The following NBEAL1 variants were observed in gnomAD, a reference collection of about 807,000 sequenced individuals.
The protein encoded by NBEAL1 is neurobeachin-like protein 1.
Under a neutral mutation model 351.3 loss-of-function variants are expected in NBEAL1, and 273 were observed. That is an observed-to-expected ratio of 0.78 (90% CI 0.70 to 0.86). The LOEUF is 0.86. NBEAL1 is among the 40% of genes least tolerant of loss of function. The pLI, the probability that NBEAL1 is intolerant of heterozygous loss-of-function variation, is 0.00. For missense variants in NBEAL1, 2,961 were observed against 3,201.3 expected (o/e 0.92, Z 1.81); for synonymous variants, 1,050 against 1,086.4 (o/e 0.97, Z 0.66).
At chr2:203,025,310 TTAA>T (rs1424672083) in intron 2 of NBEAL1, among the ~76,000 whole-genome samples, 1 of 152,186 alleles carries the variant, frequency 6.6e-6, no homozygotes, top group East Asian at 1.9e-4. Flanking sequence ...AATTTAAAAA[TTAA>T]TAAAAACAGG....
intron 19 of NBEAL1, among the ~76,000 whole-genome samples, chr2:203,124,965 A>G (rs2062905665): frequency 6.6e-6 from 1 of 152,198 alleles, no homozygotes; most frequent in African/African-American, 2.4e-5. Context: ...TCATATTTCT[A>G]CCACCAAATG....
intron 3 of NBEAL1, among the ~76,000 whole-genome samples, chr2:203,047,555 T>C (rs1574893182): frequency 1.3e-5 from 2 of 152,190 alleles, no homozygotes; most frequent in East Asian, 3.8e-4. Context: ...GGATATTTCC[T>C]ATCTCTCATT....
At chr2:203,164,426 G>A (rs1373789061) in intron 36 of NBEAL1, among the ~76,000 whole-genome samples, 1 of 151,734 alleles carries the variant, frequency 6.6e-6, no homozygotes, top group East Asian at 1.9e-4. Flanking sequence ...AGTTGGCTTT[G>A]TAATTGGGAT....
At chr2:203,055,618 CAGA>C (rs925050511) in intron 4 of NBEAL1, among the ~76,000 whole-genome samples, 4 of 151,688 alleles carry the variant, frequency 2.6e-5, no homozygotes, top group South Asian at 4.2e-4. Flanking sequence ...AAAAAAAAAC[CAGA>C]AGAAGTCTGT....
chr2:203,049,820 T>C lies in NBEAL1; in HGVS notation c.150T>C (p.Asp50=). The change falls in exon 4 of 56, where the codon GAT becomes GAC. Residue 50 remains aspartate, a synonymous_variant. Coordinates refer to ENST00000683969, the MANE Select transcript of NBEAL1 (RefSeq NM_001378026.1). The part of the protein sequence containing the change: ...VDFEKLPTRV[D]DMPPGISLLP... ...TTTTCCCTTTCTGTTGTAGGGTAGA[T>C]GATATGCCTCCAGGAATATCTCTGC... 2 of 1,550,862 alleles carry C rather than the reference T, an allele frequency of 1.3e-6. No homozygotes were observed. Among genetic ancestry groups the C allele is most frequent in the Non-Finnish European group, 1.7e-6 (2 of 1,145,858 alleles).
At chr2:203,028,395 A>G (rs1188660470) in intron 2 of NBEAL1, among the ~76,000 whole-genome samples, 1 of 152,052 alleles carries the variant, frequency 6.6e-6, no homozygotes, top group Non-Finnish European at 1.5e-5. Flanking sequence ...TTTTTAATTA[A>G]GATATATAAC....
chr2:203,167,600 C>T (rs9288335), intron 38 of NBEAL1, among the ~76,000 whole-genome samples: 133,867 of 152,198 alleles, frequency 0.88, 60,120 homozygotes, highest in Non-Finnish European at 0.96. Context: ...TAGTGCCTCA[C>T]TACATTCACT....
chr2:203,019,990 G>T (rs1238512028), intron 2 of NBEAL1, among the ~76,000 whole-genome samples: 2 of 152,014 alleles, frequency 1.3e-5, no homozygotes, highest in East Asian at 3.9e-4. Context: ...ATTTTTAATT[G>T]ATAATAATTT....
intron 30 of NBEAL1, 38 bp downstream of exon 30, chr2:203,138,353 T>C (rs986145399): frequency 6.4e-7 from 1 of 1,571,438 alleles, no homozygotes; most frequent in East Asian, 2.2e-5. Context: ...TTTTGGGTAG[T>C]TAAGAACTTT....
intron 7 of NBEAL1, among the ~76,000 whole-genome samples, chr2:203,071,262 G>T (rs2061677702): frequency 6.6e-6 from 1 of 152,142 alleles, no homozygotes; most frequent in Non-Finnish European, 1.5e-5. Context: ...GGAAAGTCCA[G>T]CAGGGTTTAT....
chr2:203,164,785 T>G, intron 36 of NBEAL1, among the ~76,000 whole-genome samples: 1 of 151,998 alleles, frequency 6.6e-6, no homozygotes. Context: ...ATATGAAATG[T>G]CTAGGACCAG....
intron 18 of NBEAL1, among the ~76,000 whole-genome samples, chr2:203,116,707 T>C (rs917405250): frequency 6.6e-6 from 1 of 150,848 alleles, no homozygotes; most frequent in East Asian, 2.0e-4. Context: ...GGAAGATCCC[T>C]TGAGCCCAGG....
chr2:203,205,941 G>A (rs2065541497), intron 51 of NBEAL1, among the ~76,000 whole-genome samples: 2 of 152,236 alleles, frequency 1.3e-5, no homozygotes, highest in Non-Finnish European at 2.9e-5. Flanking sequence ...ACATGGAACA[G>A]GTGGAAGGTG....
At chr2:203,121,038 T>G (rs2062818536) in intron 18 of NBEAL1, among the ~76,000 whole-genome samples, 1 of 152,166 alleles carries the variant, frequency 6.6e-6, no homozygotes, top group Non-Finnish European at 1.5e-5. Context: ...AAATTCGGAT[T>G]GAATATGAAG....
chr2:203,131,634 C>T (rs1442777207), intron 25 of NBEAL1, among the ~76,000 whole-genome samples: 1 of 152,130 alleles, frequency 6.6e-6, no homozygotes, highest in Non-Finnish European at 1.5e-5. Context: ...TCCCACTGCT[C>T]AAGGTCATCA....
intron 46 of NBEAL1, among the ~76,000 whole-genome samples, chr2:203,191,924 C>T (rs116386508): frequency 0.025 from 3,855 of 152,268 alleles, 67 homozygotes; most frequent in Non-Finnish European, 0.035. Flanking sequence ...TACCTCAGTA[C>T]ATTATAAATA....
At chr2:203,090,174 C>T (rs1292001044) in intron 10 of NBEAL1, among the ~76,000 whole-genome samples, 1 of 152,032 alleles carries the variant, frequency 6.6e-6, no homozygotes, top group Admixed American at 6.6e-5. Flanking sequence ...TATAAGTTCT[C>T]ATGTAAGAAA....
intron 18 of NBEAL1, among the ~76,000 whole-genome samples, chr2:203,116,319 G>A (rs186601126): frequency 6.6e-6 from 1 of 152,256 alleles, no homozygotes; most frequent in Admixed American, 6.5e-5. Flanking sequence ...GTTGGAATTT[G>A]TACCGATGAA....
chr2:203,204,408 G>A (rs2065496139), intron 51 of NBEAL1, among the ~76,000 whole-genome samples: 2 of 145,516 alleles, frequency 1.4e-5, no homozygotes, highest in Admixed American at 7.1e-5. Flanking sequence ...ATGGCTCACT[G>A]CAGCCTTGAC....
Sources: gnomAD v4.1 joint callset for allele counts (sites outside exome capture counted in the v4.1 genomes callset) on GRCh38, gnomAD v4.1.1 for gene constraint, MANE v1.5 for transcripts, NCBI Gene and HGNC (gene_info 2026-07-23, HGNC 2026-07-21) for gene names.